SCML4: variants seen among roughly 807,000 people sequenced by gnomAD.
SCML4 encodes the protein Scm polycomb group protein like 4, also known as sex comb on midleg-like protein 4.
A neutral mutation model predicts 41.1 loss-of-function variants in SCML4; 34 were observed. That is an observed-to-expected ratio of 0.83 (90% CI 0.63 to 1.10). The LOEUF is 1.10. Among genes scored for constraint, SCML4 ranks in the 50% least tolerant of loss-of-function variants. The probability of loss-of-function intolerance (pLI) is 0.00; values close to 1 mark genes in which losing one functional copy is unlikely to be tolerated. For missense variants in SCML4, 522 were observed against 534.1 expected, an observed-to-expected ratio of 0.98 and a Z score of 0.22; for synonymous variants, 214 against 220.9, an observed-to-expected ratio of 0.97 and a Z score of 0.28.
intron 5 of SCML4, among the ~76,000 whole-genome samples, chr6:107,730,423 G>A (rs1182016993): frequency 6.6e-6 from 1 of 152,140 alleles, no homozygotes; most frequent in Non-Finnish European, 1.5e-5. Context: ...TCAACAAGAG[G>A]CTCCAACCCA....
intron 6 of SCML4, chr6:107,718,497 G>T (rs142059105): frequency 1.3e-5 from 2 of 152,366 alleles, no homozygotes; most frequent in Non-Finnish European, 2.9e-5. Flanking sequence ...ACAAAGGGCC[G>T]GTATGGGGAT....
At chr6:107,711,817 G>C (rs375933815) in intron 6 of SCML4, among the ~76,000 whole-genome samples, 2 of 152,090 alleles carry the variant, frequency 1.3e-5, no homozygotes, top group African/African-American at 2.4e-5. Context: ...TTTAGATCTC[G>C]GGGCACAGTG....
At chr6:107,775,111 G>T (rs1285864173) in intron 1 of SCML4, among the ~76,000 whole-genome samples, 6 of 152,082 alleles carry the variant, frequency 3.9e-5, no homozygotes, top group African/African-American at 1.4e-4. Flanking sequence ...GAATAAACAG[G>T]CCAGTTCACT....
chr6:107,804,355 C>T (rs992234699), intron 1 of SCML4, among the ~76,000 whole-genome samples: 1 of 152,070 alleles, frequency 6.6e-6, no homozygotes, highest in African/African-American at 2.4e-5. Context: ...AGGCCAGGCC[C>T]CAAGGCCAGG....
chr6:107,711,471 A>G (rs980878612), intron 6 of SCML4, among the ~76,000 whole-genome samples: 24 of 152,356 alleles, frequency 1.6e-4, no homozygotes, highest in African/African-American at 5.5e-4. Flanking sequence ...AATAGGCTGT[A>G]CCACACCGCC....
At chr6:107,747,616 CATA>C (rs1778260462) in intron 3 of SCML4, among the ~76,000 whole-genome samples, 2 of 149,262 alleles carry the variant, frequency 1.3e-5, no homozygotes, top group African/African-American at 4.9e-5. Context: ...ATGTTATTTA[CATA>C]ATATTATATA....
intron 1 of SCML4, among the ~76,000 whole-genome samples, chr6:107,801,121 A>T (rs1190604460): frequency 6.6e-6 from 1 of 152,178 alleles, no homozygotes; most frequent in Non-Finnish European, 1.5e-5. Flanking sequence ...AATGTGGTTT[A>T]TGTCTTCTGA....
the SCML4 span, among the ~76,000 whole-genome samples, chr6:107,845,667 G>C: frequency 6.6e-6 from 1 of 152,200 alleles, no homozygotes; most frequent in Non-Finnish European, 1.5e-5. Context: ...GAATGGGCAA[G>C]GGTGTTCTTT....
chr6:107,839,106 C>A, the SCML4 span, among the ~76,000 whole-genome samples: 1 of 152,064 alleles, frequency 6.6e-6, no homozygotes, highest in Non-Finnish European at 1.5e-5. Context: ...TCAAGACCAG[C>A]CTGGGCAACA....
chr6:107,735,755 C>T (rs368253475), intron 5 of SCML4, among the ~76,000 whole-genome samples: 22 of 149,954 alleles, frequency 1.5e-4, no homozygotes, highest in African/African-American at 3.7e-4. Context: ...GCCGAGATCA[C>T]GCCACTGCAC....
chr6:107,774,749 C>A (rs1483805075), intron 1 of SCML4, among the ~76,000 whole-genome samples: 1 of 151,962 alleles, frequency 6.6e-6, no homozygotes, highest in Non-Finnish European at 1.5e-5. Flanking sequence ...AGGCTGGGTG[C>A]GGTGGCTCAC....
chr6:107,725,250 T>G (rs972569867), intron 5 of SCML4, among the ~76,000 whole-genome samples: 2 of 152,248 alleles, frequency 1.3e-5, no homozygotes, highest in African/African-American at 4.8e-5. Context: ...CCAAGTACAC[T>G]GATTTGATCT....
intron 1 of SCML4, among the ~76,000 whole-genome samples, chr6:107,794,100 T>C (rs907189277): frequency 6.6e-6 from 1 of 152,212 alleles, no homozygotes; most frequent in Non-Finnish European, 1.5e-5. Flanking sequence ...TTTCAAAAAG[T>C]ATCTTTGCTA....
the SCML4 span, among the ~76,000 whole-genome samples, chr6:107,830,431 G>C: frequency 6.6e-6 from 1 of 152,150 alleles, no homozygotes; most frequent in Non-Finnish European, 1.5e-5. Flanking sequence ...GTCTGGTAAG[G>C]GGTTGGATGG....
At chr6:107,837,685 T>A in the SCML4 span, among the ~76,000 whole-genome samples, 1 of 152,152 alleles carries the variant, frequency 6.6e-6, no homozygotes, top group Non-Finnish European at 1.5e-5. Context: ...TCCAACTCTG[T>A]GGAAAGCTAT....
At chr6:107,789,390 C>A (rs1782143985) in intron 1 of SCML4, among the ~76,000 whole-genome samples, 1 of 152,138 alleles carries the variant, frequency 6.6e-6, no homozygotes, top group South Asian at 2.1e-4. Context: ...GAGTCCCAGC[C>A]CATCCTGCCT....
chr6:107,842,583 G>A, the SCML4 span, among the ~76,000 whole-genome samples: 2 of 152,130 alleles, frequency 1.3e-5, no homozygotes, highest in African/African-American at 4.8e-5. Context: ...TTTTGAGATG[G>A]GGTTTTGCCA....
rs1452334486 is a variant in SCML4, at chr6:107,767,253, G to T, written c.156+4919C>A. On this transcript the variant is annotated intron_variant, in intron 2 of 7. Coordinates refer to ENST00000369020, the MANE Select transcript of SCML4 (RefSeq NM_198081.5). ...TTACAGACTTGAGCCACCACACCCG[G>T]CCTATTAAGCTATCTTTAATGTCTG... Among the ~76,000 whole-genome samples the T allele has an allele frequency of 2.6e-5, 4 of 152,142 alleles. No individual in the cohort carries two copies. The East Asian group carries it at 7.7e-4, about 29-fold the overall frequency.
the SCML4 span, among the ~76,000 whole-genome samples, chr6:107,839,358 A>G: frequency 1.7e-5 from 1 of 57,240 alleles, no homozygotes; most frequent in African/African-American, 6.6e-5. Flanking sequence ...AGAAAGAAAG[A>G]AAGAAAGAAG....
Sources: allele counts gnomAD v4.1 joint callset (sites outside exome capture counted in the v4.1 genomes callset), GRCh38; gene constraint gnomAD v4.1.1; transcripts MANE v1.5; gene names NCBI Gene and HGNC (gene_info 2026-07-23, HGNC 2026-07-21).